The following BMPR1A variants were observed in gnomAD, a reference collection of about 807,000 sequenced individuals.
The protein encoded by BMPR1A is bone morphogenetic protein receptor type 1A, also known as bone morphogenetic protein receptor type-1A.
In BMPR1A, 7 loss-of-function variants were observed where a neutral mutation model predicts 66.0. The observed-to-expected ratio is 0.11, with a 90% CI of 0.06 to 0.20. The LOEUF is 0.20. BMPR1A is among the 10% of genes least tolerant of loss of function. The probability of loss-of-function intolerance (pLI) is 1.00; values close to 1 mark genes in which losing one functional copy is unlikely to be tolerated. For missense variants in BMPR1A, 408 were observed against 669.1 expected (o/e 0.61, Z 4.31); for synonymous variants, 200 against 229.7 (o/e 0.87, Z 1.17).
chr10:86,808,774 G>T (rs552070083), intron 1 of BMPR1A, among the ~76,000 whole-genome samples: 1 of 152,242 alleles, frequency 6.6e-6, no homozygotes, highest in African/African-American at 2.4e-5. Flanking sequence ...ATCACCATTG[G>T]AATTTTGCCT....
intron 2 of BMPR1A, among the ~76,000 whole-genome samples, chr10:86,840,658 G>A (rs1842414334): frequency 6.6e-6 from 1 of 152,006 alleles, no homozygotes; most frequent in Admixed American, 6.6e-5. Flanking sequence ...TTTACAGATG[G>A]CTCAGCTTAG....
intron 1 of BMPR1A, among the ~76,000 whole-genome samples, chr10:86,810,954 T>G (rs1841961615): frequency 6.6e-6 from 1 of 152,150 alleles, no homozygotes; most frequent in Non-Finnish European, 1.5e-5. Flanking sequence ...GCCATGTTGG[T>G]CGGGCGGGTC....
intron 1 of BMPR1A, among the ~76,000 whole-genome samples, chr10:86,801,897 GT>G (rs1266005159): frequency 1.3e-5 from 2 of 151,962 alleles, no homozygotes; most frequent in Non-Finnish European, 2.9e-5. Flanking sequence ...TACTTTTTTA[GT>G]AGAGACGGAG....
At chr10:86,815,473 C>T (rs1422388933) in intron 1 of BMPR1A, among the ~76,000 whole-genome samples, 1 of 152,106 alleles carries the variant, frequency 6.6e-6, no homozygotes, top group African/African-American at 2.4e-5. Flanking sequence ...ACGCTATAGG[C>T]CCTTTGCACC....
At chr10:86,876,938 C>A (rs1053985743) in intron 3 of BMPR1A, among the ~76,000 whole-genome samples, 2 of 152,180 alleles carry the variant, frequency 1.3e-5, no homozygotes, top group Non-Finnish European at 2.9e-5. Flanking sequence ...AACTCCCAAA[C>A]AGGAAGTTAT....
At chr10:86,835,110 C>T (rs565603284) in intron 1 of BMPR1A, among the ~76,000 whole-genome samples, 17 of 151,924 alleles carry the variant, frequency 1.1e-4, no homozygotes, top group African/African-American at 2.9e-4. Context: ...AGGGCATGGC[C>T]GTACTTGCTG....
At chr10:86,767,868 TG>T (rs1841193257) in intron 1 of BMPR1A, among the ~76,000 whole-genome samples, 1 of 152,176 alleles carries the variant, frequency 6.6e-6, no homozygotes, top group Non-Finnish European at 1.5e-5. Flanking sequence ...GGAGAGAATT[TG>T]GCACCACACC....
At chr10:86,770,958 C>G (rs1183865069) in intron 1 of BMPR1A, among the ~76,000 whole-genome samples, 2 of 152,172 alleles carry the variant, frequency 1.3e-5, no homozygotes, top group African/African-American at 4.8e-5. Context: ...CCCACCAAGG[C>G]CTTTGGACAC....
intron 11 of BMPR1A, among the ~76,000 whole-genome samples, chr10:86,922,265 T>A (rs558234976): frequency 5.3e-5 from 8 of 152,354 alleles, no homozygotes; most frequent in South Asian, 4.2e-4. Context: ...GATACTCCAT[T>A]GTGTGTAGGT....
At chr10:86,780,896 A>G (rs1841427183) in intron 1 of BMPR1A, among the ~76,000 whole-genome samples, 2 of 152,064 alleles carry the variant, frequency 1.3e-5, no homozygotes, top group East Asian at 3.9e-4. Context: ...TGTTTTTTCA[A>G]TTGAGACAAG....
chr10:86,869,276 G>T (rs925284677), intron 2 of BMPR1A, among the ~76,000 whole-genome samples: 2 of 151,988 alleles, frequency 1.3e-5, no homozygotes, highest in African/African-American at 4.8e-5. Flanking sequence ...TGGCCAACAT[G>T]GTGAAACCCT....
chr10:86,831,792 C>T (rs1392327919), intron 1 of BMPR1A, among the ~76,000 whole-genome samples: 3 of 152,100 alleles, frequency 2.0e-5, no homozygotes, highest in Non-Finnish European at 4.4e-5. Flanking sequence ...ACTAATCATC[C>T]TTGTACAAGT....
At chr10:86,759,498 C>T (rs867453679) in intron 1 of BMPR1A, among the ~76,000 whole-genome samples, 1 of 152,138 alleles carries the variant, frequency 6.6e-6, no homozygotes, top group African/African-American at 2.4e-5. Context: ...AGCAAACTTG[C>T]CTCTTTGGTG....
intron 8 of BMPR1A, among the ~76,000 whole-genome samples, chr10:86,915,188 G>A (rs1008948758): frequency 1.3e-5 from 2 of 152,074 alleles, no homozygotes; most frequent in Non-Finnish European, 2.9e-5. Flanking sequence ...ACCATGCCCA[G>A]CTAATTTTTG....
intron 8 of BMPR1A, among the ~76,000 whole-genome samples, chr10:86,912,639 G>C (rs747105750): frequency 1.3e-4 from 20 of 152,184 alleles, no homozygotes; most frequent in Admixed American, 5.2e-4. Flanking sequence ...GAGAAAGGCA[G>C]GGGAAGTTAG....
chr10:86,793,156 G>A, intron 1 of BMPR1A, among the ~76,000 whole-genome samples: 1 of 125,214 alleles, frequency 8.0e-6, no homozygotes. Flanking sequence ...AAAAAAGAAA[G>A]TTAGCTGGAT....
chr10:86,922,886 G>T (rs574345071), intron 11 of BMPR1A, among the ~76,000 whole-genome samples: 1 of 152,358 alleles, frequency 6.6e-6, no homozygotes, highest in East Asian at 1.9e-4. Flanking sequence ...TCCATGTAGG[G>T]AACTGTTTAC....
intron 5 of BMPR1A, among the ~76,000 whole-genome samples, 195 bp downstream of exon 5, chr10:86,892,424 G>C (rs761790406): frequency 1.8e-4 from 28 of 152,278 alleles, no homozygotes; most frequent in South Asian, 8.3e-4. Context: ...TTTCTGAAAA[G>C]CTAATTGTTT....
At chr10:86,893,715 G>A (rs894233925) in intron 5 of BMPR1A, among the ~76,000 whole-genome samples, 18 of 152,144 alleles carry the variant, frequency 1.2e-4, no homozygotes, top group African/African-American at 4.3e-4. Context: ...ATGAACCCGG[G>A]AGGTGGAGCT....
Sources: gnomAD v4.1 joint callset for allele counts (sites outside exome capture counted in the v4.1 genomes callset) on GRCh38, gnomAD v4.1.1 for gene constraint, MANE v1.5 for transcripts, NCBI Gene and HGNC (gene_info 2026-07-23, HGNC 2026-07-21) for gene names.